SHTN1: variants seen among roughly 807,000 people sequenced by gnomAD.
The protein encoded by SHTN1 is shootin 1.
A neutral mutation model predicts 83.1 loss-of-function variants in SHTN1; 42 were observed. That is an observed-to-expected ratio of 0.51 (90% CI 0.39 to 0.65). SHTN1 has a LOEUF of 0.65. Among genes scored for constraint, SHTN1 ranks in the 30% least tolerant of loss-of-function variants. The pLI is 0.00. For synonymous variants in SHTN1, 224 were observed against 247.7 expected (o/e 0.90, Z 0.90); for missense variants, 622 against 737.8 (o/e 0.84, Z 1.82).
chr10:116,990,595 C>A (rs1187622791), intron 1 of SHTN1, among the ~76,000 whole-genome samples: 1 of 152,154 alleles, frequency 6.6e-6, no homozygotes, highest in Non-Finnish European at 1.5e-5. Flanking sequence ...TTGGAAGAAA[C>A]TGGATCTTGA....
At chr10:117,088,536 GGAA>G (rs977263943) in intron 1 of SHTN1, among the ~76,000 whole-genome samples, 1 of 152,128 alleles carries the variant, frequency 6.6e-6, no homozygotes, top group African/African-American at 2.4e-5. Context: ...TAGCTAGAAG[GGAA>G]GAAGAAGCTG....
At chr10:117,079,113 C>T (rs1312268422) in intron 1 of SHTN1, among the ~76,000 whole-genome samples, 1 of 151,238 alleles carries the variant, frequency 6.6e-6, no homozygotes, top group Non-Finnish European at 1.5e-5. Flanking sequence ...TATACATGTG[C>T]CATGCTGGTG....
intron 2 of SHTN1, among the ~76,000 whole-genome samples, chr10:117,014,426 T>C (rs932521291): frequency 6.6e-6 from 1 of 152,186 alleles, no homozygotes; most frequent in African/African-American, 2.4e-5. Context: ...AGGATCTGAC[T>C]TAAGAAACTT....
At chr10:117,078,929 G>A (rs994933250) in intron 1 of SHTN1, among the ~76,000 whole-genome samples, 19 of 152,040 alleles carry the variant, frequency 1.2e-4, no homozygotes, top group Middle Eastern at 3.4e-3. Context: ...TCCTTACAAT[G>A]TCCATTAGAT....
intron 1 of SHTN1, among the ~76,000 whole-genome samples, chr10:117,070,736 C>T (rs4752027): frequency 0.91 from 136,668 of 150,522 alleles, 63,455 homozygotes; most frequent in Non-Finnish European, 1. Flanking sequence ...ATCAGTTTGG[C>T]GGTAAATCTT....
At chr10:116,968,597 A>G (rs370719309) in intron 3 of SHTN1, 55 bp downstream of exon 3, 2 of 1,304,922 alleles carry the variant, frequency 1.5e-6, no homozygotes, top group African/African-American at 2.9e-5. Flanking sequence ...GTCTACTCAC[A>G]TAATCCCCAA....
chr10:116,935,080 T>C (rs1849105433), intron 9 of SHTN1, among the ~76,000 whole-genome samples: 1 of 152,210 alleles, frequency 6.6e-6, no homozygotes, highest in Non-Finnish European at 1.5e-5. Flanking sequence ...ACGATGGGGT[T>C]TTCTAAATAT....
In SHTN1 at chr10:116,953,623, G is replaced by GTTTTTTTT. The variant is rs759706275; in HGVS notation, c.436+411_436+418dup. Among the ~76,000 whole-genome samples the GTTTTTTTT allele has an allele frequency of 3.1e-3, 291 of 92,672 alleles. 12 individuals are homozygous for GTTTTTTTT. Among genetic ancestry groups the GTTTTTTTT allele is most frequent in the East Asian group, 8.0e-3 (22 of 2,766 alleles). 60.8% of individuals were successfully genotyped at this position (92,672 alleles called of 152,430 possible). On this transcript the variant is annotated intron_variant, in intron 5 of 16. Transcript: ENST00000355371. The stretch of plus-strand genomic sequence containing the variant: ...GACCCAGGCATCAGTTTTGTGTTTT[G>GTTTTTTTT]TTTTTTTTTTTTTTTTTTTTTTGAG...
intron 1 of SHTN1, among the ~76,000 whole-genome samples, chr10:117,119,078 TA>T (rs1853889208): frequency 6.6e-6 from 1 of 152,108 alleles, no homozygotes; most frequent in Non-Finnish European, 1.5e-5. Context: ...ACAAGCTAAA[TA>T]CAGAAAGACA....
At chr10:117,098,396 C>CAAAAAA (rs11321262) in intron 1 of SHTN1, among the ~76,000 whole-genome samples, 1 of 61,066 alleles carries the variant, frequency 1.6e-5, no homozygotes, top group Non-Finnish European at 3.2e-5. Flanking sequence ...CACTCCGTCT[C>CAAAAAA]AAAAAAAAAA....
chr10:117,110,327 CTTGAA>C (rs1471250489), intron 1 of SHTN1, among the ~76,000 whole-genome samples: 2 of 151,994 alleles, frequency 1.3e-5, no homozygotes, highest in African/African-American at 2.4e-5. Flanking sequence ...TTTTTTTCAA[CTTGAA>C]TTGTTTTGTT....
At chr10:117,072,573 C>A (rs548465961) in intron 1 of SHTN1, among the ~76,000 whole-genome samples, 65 of 152,286 alleles carry the variant, frequency 4.3e-4, no homozygotes, top group African/African-American at 1.5e-3. Flanking sequence ...AAGCCCAGAG[C>A]CTGGTAGACT....
At chr10:116,974,668 C>T (rs1850728673) in intron 2 of SHTN1, among the ~76,000 whole-genome samples, 1 of 152,176 alleles carries the variant, frequency 6.6e-6, no homozygotes, top group Non-Finnish European at 1.5e-5. Flanking sequence ...AAAACTTGAT[C>T]TCAGAACATA....
rs754921450 is a variant in SHTN1, at chr10:116,884,046, C to T, written c.*2298G>A. 4 of 287,122 alleles carry T rather than the reference C, an allele frequency of 1.4e-5. No homozygotes were observed. Among genetic ancestry groups the T allele is most frequent in the South Asian group, 3.0e-5 (1 of 33,500 alleles). The allele number at this position is 287,122 out of a possible 1,614,324, so 17.8% of individuals were successfully genotyped here. A position where few individuals can be genotyped will look rare whatever the true frequency, so the allele number is the denominator to read the frequency against. On this transcript the variant is annotated 3_prime_UTR_variant, in exon 17 of 17. Coordinates refer to ENST00000355371, the MANE Select transcript of SHTN1 (RefSeq NM_001127211.3). ...CTTAAAGAAAAAAAATCCTCTATAGCGCACAAGACTTAATTTATCTTTCCC... is the reference window on the plus strand; with the variant it reads ...CTTAAAGAAAAAAAATCCTCTATAGTGCACAAGACTTAATTTATCTTTCCC...
At chr10:117,043,703 A>G (rs1852622003) in intron 2 of SHTN1, among the ~76,000 whole-genome samples, 1 of 152,050 alleles carries the variant, frequency 6.6e-6, no homozygotes, top group African/African-American at 2.4e-5. Context: ...TTAGCCAGGC[A>G]TGGTGGCACA....
chr10:116,982,885 C>T (rs1851077658), intron 1 of SHTN1, among the ~76,000 whole-genome samples: 2 of 152,092 alleles, frequency 1.3e-5, no homozygotes, highest in South Asian at 4.2e-4. Context: ...ATCACTTGAA[C>T]CCAGGAGGCG....
At chr10:116,908,980 C>G (rs977155708) in intron 14 of SHTN1, among the ~76,000 whole-genome samples, 1 of 152,156 alleles carries the variant, frequency 6.6e-6, no homozygotes, top group Non-Finnish European at 1.5e-5. Flanking sequence ...GCATGACTCT[C>G]AACTGAAATG....
At chr10:117,114,350 C>T (rs1853813217) in intron 1 of SHTN1, among the ~76,000 whole-genome samples, 1 of 152,012 alleles carries the variant, frequency 6.6e-6, no homozygotes, top group South Asian at 2.1e-4. Flanking sequence ...TAAAATGAGC[C>T]TCAGAGTATA....
chr10:116,984,206 C>T (rs959055004), intron 1 of SHTN1, among the ~76,000 whole-genome samples: 2 of 152,202 alleles, frequency 1.3e-5, no homozygotes, highest in Non-Finnish European at 2.9e-5. Context: ...CCAACCAATA[C>T]TTACCAGACC....
Sources: gnomAD v4.1 joint callset for allele counts (sites outside exome capture counted in the v4.1 genomes callset) on GRCh38, gnomAD v4.1.1 for gene constraint, MANE v1.5 for transcripts, NCBI Gene and HGNC (gene_info 2026-07-23, HGNC 2026-07-21) for gene names.